Variants in ZBTB46 observed in about 807,000 individuals in gnomAD.
ZBTB46 encodes the protein zinc finger and BTB domain containing 46, also known as zinc finger and BTB domain-containing protein 46.
ZBTB46 carries 8 observed loss-of-function variants against 44.1 expected under a neutral mutation model. The observed-to-expected ratio is 0.18, with a 90% CI of 0.11 to 0.33. The LOEUF is 0.33. Ranked by LOEUF, ZBTB46 falls within the 10% of genes least tolerant of loss-of-function variation. ZBTB46 has a pLI of 1.00. For missense variants in ZBTB46, 651 were observed against 847.7 expected (o/e 0.77, Z 2.88); for synonymous variants, 409 against 382.3 (o/e 1.07, Z -0.81).
chr20:63,820,046 C>T (rs1042813025), intron 1 of ZBTB46, among the ~76,000 whole-genome samples: 2 of 152,150 alleles, frequency 1.3e-5, no homozygotes, highest in African/African-American at 2.4e-5. Flanking sequence ...ACGTTAGCAA[C>T]GTATAACGAA....
At chr20:63,782,673 G>A (rs570844811) in intron 2 of ZBTB46, among the ~76,000 whole-genome samples, 5 of 152,262 alleles carry the variant, frequency 3.3e-5, no homozygotes, top group Admixed American at 1.3e-4. Context: ...CTGCAGCCAC[G>A]CCCCATGCCC....
At position 63,767,187 on chromosome 20, in the gene ZBTB46, G is replaced by T. The variant is rs1451888154; in HGVS notation, c.1222+8491C>A. ...CACACCGCCAAGGACGCCGTGGCAG[G>T]CTTTGTCTTTCGATCTCCCTAGAAA... On this transcript the variant is annotated intron_variant, in intron 3 of 4. Coordinates refer to ENST00000245663, the MANE Select transcript of ZBTB46 (RefSeq NM_001369741.1). This position sits in a 1 kb window ranked among gnomAD's most constrained non-coding sequence, Gnocchi z 5.0. Among the ~76,000 whole-genome samples the T allele has an allele frequency of 6.6e-6, 1 of 152,188 alleles. No individual in the cohort carries two copies.
At chr20:63,763,244 CTT>C (rs2092292355) in intron 3 of ZBTB46, among the ~76,000 whole-genome samples, 2 of 152,198 alleles carry the variant, frequency 1.3e-5, no homozygotes, top group Non-Finnish European at 1.5e-5. Flanking sequence ...AGGCTATCAT[CTT>C]GTTTTTTATT....
intron 3 of ZBTB46, among the ~76,000 whole-genome samples, chr20:63,766,506 GCA>G (rs1437958899): frequency 6.7e-6 from 1 of 148,476 alleles, no homozygotes; most frequent in Non-Finnish European, 1.5e-5. Flanking sequence ...ATGAGCCACT[GCA>G]CCTGGCCAAG....
intron 3 of ZBTB46, among the ~76,000 whole-genome samples, chr20:63,760,646 C>G (rs1053859634): frequency 6.6e-6 from 1 of 152,016 alleles, no homozygotes; most frequent in African/African-American, 2.4e-5. Context: ...TTAGTAGAGA[C>G]AGGGTTTCAC....
At chr20:63,747,878 C>T (rs1028871889) in intron 4 of ZBTB46, among the ~76,000 whole-genome samples, 3 of 152,214 alleles carry the variant, frequency 2.0e-5, no homozygotes, top group African/African-American at 7.2e-5. Flanking sequence ...ACACCACCGG[C>T]CTCTGCCTAA....
intron 3 of ZBTB46, chr20:63,775,444 C>T (rs1286031710): frequency 4.3e-6 from 2 of 461,648 alleles, no homozygotes; most frequent in Admixed American, 3.9e-5. Context: ...CTCCCCTGCC[C>T]GCCGCGCTCA....
intron 2 of ZBTB46, among the ~76,000 whole-genome samples, chr20:63,789,023 G>C (rs368122054): frequency 4.0e-5 from 6 of 151,116 alleles, no homozygotes; most frequent in East Asian, 2.0e-4. Context: ...CTCCATGTTG[G>C]TCAGGCTGGT....
At chr20:63,768,700 G>C (rs968633701) in intron 3 of ZBTB46, among the ~76,000 whole-genome samples, 2 of 151,894 alleles carry the variant, frequency 1.3e-5, no homozygotes, top group African/African-American at 4.8e-5. Context: ...TTATAGAAAA[G>C]ACTCCGCGAC....
chr20:63,771,275 G>T (rs73143503), intron 3 of ZBTB46, among the ~76,000 whole-genome samples: 4 of 151,808 alleles, frequency 2.6e-5, no homozygotes, highest in Non-Finnish European at 5.9e-5. Flanking sequence ...GCAAGATGGC[G>T]GGGGGGCTAC....
chr20:63,781,375 C>A (rs1231195471), intron 2 of ZBTB46, among the ~76,000 whole-genome samples: 5 of 152,156 alleles, frequency 3.3e-5, no homozygotes, highest in Non-Finnish European at 5.9e-5. Flanking sequence ...ACTCACTCGG[C>A]CAGAGCCTCA....
intron 3 of ZBTB46, among the ~76,000 whole-genome samples, chr20:63,764,982 G>T (rs967023663): frequency 1.3e-5 from 2 of 151,688 alleles, no homozygotes; most frequent in Non-Finnish European, 2.9e-5. Context: ...GCAATGGCGC[G>T]GTCTCGGCTC....
At chr20:63,761,781 CAA>C (rs35095876) in intron 3 of ZBTB46, among the ~76,000 whole-genome samples, 9 of 126,546 alleles carry the variant, frequency 7.1e-5, no homozygotes, top group Admixed American at 8.3e-5. Flanking sequence ...GACTCTGCCT[CAA>C]AAAAAAAAAA....
At chr20:63,822,445 C>A (rs1250194973) in intron 1 of ZBTB46, among the ~76,000 whole-genome samples, 3 of 152,224 alleles carry the variant, frequency 2.0e-5, no homozygotes, top group Admixed American at 6.5e-5. Context: ...GACTGATGGG[C>A]TCTAGGCCCC....
At chr20:63,775,234 C>T (rs2092414428) in intron 3 of ZBTB46, 1 of 163,808 alleles carries the variant, frequency 6.1e-6, no homozygotes, top group South Asian at 2.0e-4. Flanking sequence ...AGGCGAGGCC[C>T]CCAAGTGCAA....
rs1404220475 is a variant in ZBTB46 at position 63,752,538 on chromosome 20, G to T, written c.1398+148C>A. The T allele has an allele frequency of 1.9e-5, 19 of 996,562 alleles. No homozygotes were observed. The highest frequency in any genetic ancestry group is 2.4e-5 in the Non-Finnish European group (18 of 742,902). 61.7% of individuals were successfully genotyped at this position (996,562 alleles called of 1,614,324 possible). ...CGGGGCAGAGCAGACAGGGGCCCGG[G>T]GCGGATCTCCCTGCCCTGCTGTCGT... On this transcript the variant is annotated intron_variant, in intron 4 of 4. Transcript: ENST00000245663. The surrounding 1 kb of genome is among the most constrained non-coding windows in gnomAD (Gnocchi z 5.6).
At chr20:63,758,021 A>G (rs1269995513) in intron 3 of ZBTB46, among the ~76,000 whole-genome samples, 1 of 120,624 alleles carries the variant, frequency 8.3e-6, no homozygotes, top group African/African-American at 3.3e-5. Context: ...CTGCCCATCC[A>G]GGGCTCACAC....
intron 2 of ZBTB46, among the ~76,000 whole-genome samples, chr20:63,785,915 G>A (rs1171463130): frequency 2.0e-5 from 3 of 152,226 alleles, no homozygotes. Flanking sequence ...AAAATCACTT[G>A]TTGGATTCTA....
At position 63,767,176 on chromosome 20, in the gene ZBTB46, C is replaced by T. The variant is rs139578059; in HGVS notation, c.1222+8502G>A. Among the ~76,000 whole-genome samples, 124 of 152,290 alleles carry T rather than the reference C, an allele frequency of 8.1e-4. 1 individual carries two copies. In the East Asian group the frequency reaches 0.02, roughly 25 times the overall value. On this transcript the variant is annotated intron_variant, in intron 3 of 4. Coordinates refer to ENST00000245663, the MANE Select transcript of ZBTB46 (RefSeq NM_001369741.1). The surrounding 1 kb of genome is among the most constrained non-coding windows in gnomAD (Gnocchi z 5.0). ...CATGCCAGGCACACACCGCCAAGGA[C>T]GCCGTGGCAGGCTTTGTCTTTCGAT...
Sources: gnomAD v4.1 joint callset for allele counts (sites outside exome capture counted in the v4.1 genomes callset) on GRCh38, gnomAD v4.1.1 for gene constraint, Gnocchi (gnomAD v3.1) non-coding constraint, MANE v1.5 for transcripts, NCBI Gene and HGNC (gene_info 2026-07-23, HGNC 2026-07-21) for gene names.